The following NLRP10 variants were observed in gnomAD, a reference collection of about 807,000 sequenced individuals.
NLRP10 encodes the protein NACHT, LRR and PYD domains-containing protein 10.
NLRP10 carries 7 observed loss-of-function variants against 8.2 expected under a neutral mutation model. The observed-to-expected ratio is 0.85, with a 90% confidence interval of 0.48 to 1.60. The LOEUF (loss-of-function observed/expected upper bound fraction) is 1.60. Among genes scored for constraint, NLRP10 ranks in the 40% most tolerant of loss-of-function variants. NLRP10 has a pLI of 0.00. For missense variants in NLRP10, 814 were observed against 776.3 expected (o/e 1.05, Z -0.58); for synonymous variants, 338 against 314.0 (o/e 1.08, Z -0.81).
At position 7,960,753 on chromosome 11, in the gene NLRP10, A is replaced by G. The variant is rs1251292502; in HGVS notation, c.859T>C (p.Ser287Pro). Residue 287 changes from serine to proline, a missense_variant, in exon 3 of 3, where the codon TCC becomes CCC. Physicochemically the swap from Ser to Pro is moderately conservative, Grantham distance 74. Coordinates refer to ENST00000691676, the MANE Select transcript of NLRP10 (RefSeq NM_001391958.1). ...LIRRHTLPTC[S>P]LLITTRPLAL... ...AGGGGCCGGGTGGTGATGAGAAGGGAGCACGTGGGGAGTGTATGTCTCCTA... is the reference window on the plus strand; with the variant it reads ...AGGGGCCGGGTGGTGATGAGAAGGGGGCACGTGGGGAGTGTATGTCTCCTA... The G allele has an allele frequency of 6.2e-7, 1 of 1,614,080 alleles. No individual in the cohort carries two copies. The highest frequency in any genetic ancestry group is 1.1e-5 in the South Asian group (1 of 91,066).
intron 1 of NLRP10, among the ~76,000 whole-genome samples, chr11:7,964,224 G>A (rs972180339): frequency 2.6e-5 from 4 of 152,130 alleles, no homozygotes; most frequent in African/African-American, 9.7e-5. Context: ...GCCCGGCCAA[G>A]TTTTAAGTTT....
Position 7,960,548 on chromosome 11 carries a change from C to A in NLRP10, c.1064G>T (p.Gly355Val). Residue 355 changes from glycine to valine, a missense_variant, in exon 3 of 3, where the codon GGC (glycine) becomes GTC (valine). By Grantham distance (109) the Gly-to-Val change is moderately radical. Transcript: ENST00000691676. ...CCAGGAGCAGACCACCCAGCAAATG[C>A]CTGGAACCTGACACGCTTTGTAGAG... ...DILYKACQVP[G>V]ICWVVCSWLQ... The A allele has an allele frequency of 6.2e-7, 1 of 1,614,204 alleles. No homozygotes were observed. Among genetic ancestry groups the A allele is most frequent in the Non-Finnish European group, 8.5e-7 (1 of 1,180,044 alleles).
Position 7,958,481 on chromosome 11 carries a change from G to A in NLRP10, c.*1163C>T, listed in dbSNP as rs892859856. On this transcript the variant is annotated 3_prime_UTR_variant, in exon 3 of 3. Transcript: ENST00000691676. ...CAATTCCCTAATGACATATGAAGTT[G>A]AGCGTCTTTTCAAATATTTATTTGC... 6.6e-6 allele frequency among the ~76,000 whole-genome samples: 1 copy of A among 152,086 alleles called. No homozygotes were observed. Among genetic ancestry groups the A allele is most frequent in the African/African-American group, 2.4e-5 (1 of 41,402 alleles).
rs765282017 is a variant in NLRP10, at chr11:7,963,221, T to C, written c.275A>G (p.His92Arg). The C allele has an allele frequency of 2.0e-5, 32 of 1,613,984 alleles. No individual in the cohort carries two copies. The East Asian group carries it at 6.7e-4, about 34-fold the overall frequency. Reference protein sequence around the residue: ...NLLELVDQLSHICLHDYREVY... With the variant: ...NLLELVDQLSRICLHDYREVY... The stretch of plus-strand genomic sequence containing the variant: ...TCCACACTCACCATGCAGACAAATA[T>C]GGCTGAGCTGGTCCACAAGTTCCAA... The change falls in exon 2 of 3, where the codon CAT (histidine) becomes CGT (arginine). Residue 92 changes from histidine (H) to arginine (R), a missense_variant. Transcript: ENST00000691676.
rs1161607378 is a variant in NLRP10, at chr11:7,959,759, C to T, written c.1853G>A (p.Cys618Tyr). 5 of 1,612,376 alleles carry T rather than the reference C, an allele frequency of 3.1e-6. No individual in the cohort carries two copies. Among genetic ancestry groups the T allele is most frequent in the Non-Finnish European group, 4.2e-6 (5 of 1,178,574 alleles). The change falls in exon 3 of 3, where the codon TGT becomes TAT. Residue 618 changes from cysteine to tyrosine, a missense_variant. Cys to Tyr is a radical substitution (Grantham distance 194). Transcript: ENST00000691676. The stretch of plus-strand genomic sequence containing the variant: ...CTCCTTCTGTCCATGGACAGAAGGA[C>T]ATTTTTGCTCCTCCTTAGGTCCATG... ...LSHGPKEEQK[C>Y]PSVHGQKEGK...
intron 1 of NLRP10, 139 bp from the exon 2 acceptor site, chr11:7,963,679 C>T (rs191997904): frequency 4.1e-5 from 24 of 591,322 alleles, no homozygotes; most frequent in East Asian, 1.4e-4. Flanking sequence ...GCAGATGAAA[C>T]GCAGGGGAAT....
chr11:7,963,842 T>C (rs1295408365), intron 1 of NLRP10, among the ~76,000 whole-genome samples: 1 of 149,818 alleles, frequency 6.7e-6, no homozygotes, highest in East Asian at 2.0e-4. Flanking sequence ...ACTCCCTTCC[T>C]CTTTCCCTCT....
rs1162048820 is a variant in NLRP10, at chr11:7,960,192, GA to G, written c.1419del (p.His474MetfsTer7). 1 of 1,614,122 alleles carries G rather than the reference GA, an allele frequency of 6.2e-7. No individual in the cohort carries two copies. Among genetic ancestry groups the G allele is most frequent in the Non-Finnish European group, 8.5e-7 (1 of 1,180,026 alleles). ...SFRHISFQDF[F>X]HAMSYLVKED... ...TCTTTCACCAGGTAAGACATGGCATGAAAAAAGTCCTGGAAGCTGATGTGGC... is the reference window on the plus strand; with the variant it reads ...TCTTTCACCAGGTAAGACATGGCATGAAAAAGTCCTGGAAGCTGATGTGGC... On this transcript the variant is annotated frameshift_variant, in exon 3 of 3. Transcript: ENST00000691676. LOFTEE classifies it low-confidence loss of function (END_TRUNC).
At chr11:7,961,995 C>T (rs1365081364) in intron 2 of NLRP10, among the ~76,000 whole-genome samples, 1 of 151,874 alleles carries the variant, frequency 6.6e-6, no homozygotes, top group Non-Finnish European at 1.5e-5. Flanking sequence ...GTTTAAAGAG[C>T]CTGGCACCTC....
intron 2 of NLRP10, among the ~76,000 whole-genome samples, chr11:7,961,617 T>G (rs1007366551): frequency 6.6e-6 from 1 of 152,166 alleles, no homozygotes; most frequent in African/African-American, 2.4e-5. Context: ...CATGTACTGT[T>G]GTGGAGGGAA....
At position 7,963,348 on chromosome 11, in the gene NLRP10, C is replaced by G; in HGVS notation, c.148G>C (p.Glu50Gln). The G allele has an allele frequency of 6.2e-7, 1 of 1,614,246 alleles. No homozygotes were observed. The highest frequency in any genetic ancestry group is 8.5e-7 in the Non-Finnish European group (1 of 1,180,042). The change falls in exon 2 of 3, where the codon GAG becomes CAG. Residue 50 changes from glutamate (E) to glutamine (Q), a missense_variant. Physicochemically the swap from Glu to Gln is conservative, Grantham distance 29. Transcript: ENST00000691676. Reference protein sequence around the residue: ...GQPPLARGELEGLIPVDLAEL... With the variant: ...GQPPLARGELQGLIPVDLAEL... ...GCCAGGTCCACCGGAATCAGGCCCT[C>G]CAACTCCCCTCTGGCCAGTGGGGGC... is the stretch of plus-strand genomic sequence containing the variant.
chr11:7,963,486 C>T lies in NLRP10; in HGVS notation c.10G>A (p.Ala4Thr), dbSNP rs760937079. The change falls in exon 2 of 3, where the codon GCC becomes ACC. Residue 4 changes from alanine to threonine, a missense_variant. By Grantham distance (58) the Ala-to-Thr change is moderately conservative. Transcript: ENST00000691676. The part of the protein sequence containing the change: MAM[A>T]KARKPREALL... ...GCCTCCCGGGGCTTTCTGGCCTTGG[C>T]CATGGCCATGGTGATCTGGGGGAAG... is the stretch of plus-strand genomic sequence containing the variant. 6.2e-7 allele frequency: 1 copy of T among 1,610,282 alleles called. No homozygotes were observed. The highest frequency in any genetic ancestry group is 8.5e-7 in the Non-Finnish European group (1 of 1,177,854).
At chr11:7,964,979 A>G (rs914297857) in intron 1 of NLRP10, among the ~76,000 whole-genome samples, 10 of 152,240 alleles carry the variant, frequency 6.6e-5, no homozygotes, top group Admixed American at 4.6e-4. Flanking sequence ...GTTGCCATTC[A>G]AATACCAACA....
rs1263339584 is a variant in NLRP10, at chr11:7,958,938, T to G, written c.*706A>C. Among the ~76,000 whole-genome samples the G allele has an allele frequency of 6.6e-6, 1 of 152,224 alleles. No homozygotes were observed. Among genetic ancestry groups the G allele is most frequent in the Non-Finnish European group, 1.5e-5 (1 of 68,046 alleles). Reference sequence around the variant, plus strand: ...CCCAGTCTTTGGCTTATCTTTTCATTCTCTTAACAGTGTCTTTCACAGAGC... The same window carrying G: ...CCCAGTCTTTGGCTTATCTTTTCATGCTCTTAACAGTGTCTTTCACAGAGC... On this transcript the variant is annotated 3_prime_UTR_variant, in exon 3 of 3. Coordinates refer to ENST00000691676, the MANE Select transcript of NLRP10 (RefSeq NM_001391958.1).
chr11:7,962,249 T>TTTTTTTTTC (rs1164685893), intron 2 of NLRP10, among the ~76,000 whole-genome samples: 3 of 132,534 alleles, frequency 2.3e-5, no homozygotes, highest in African/African-American at 8.5e-5. Flanking sequence ...TTTTTTTTTT[T>TTTTTTTTTC]TTTTGAGATG....
In NLRP10 at chr11:7,959,684, C is replaced by T; in HGVS notation, c.1928G>A (p.Gly643Asp). The change falls in exon 3 of 3, where the codon GGC becomes GAC. Residue 643 changes from glycine to aspartate, a missense_variant. Physicochemically the swap from Gly to Asp is moderately conservative, Grantham distance 94. Coordinates refer to ENST00000691676, the MANE Select transcript of NLRP10 (RefSeq NM_001391958.1). ...TTTTGGTGTTTCCTCTGTCCCTCTGCCTTTTCCAGTAGAAGCTTCCTTTTG... is the reference window on the plus strand; with the variant it reads ...TTTTGGTGTTTCCTCTGTCCCTCTGTCTTTTCCAGTAGAAGCTTCCTTTTG... Reference protein sequence around the residue: ...GTQKEASTGKGRGTEETPKNT... With the variant: ...GTQKEASTGKDRGTEETPKNT... 6.3e-7 allele frequency: 1 copy of T among 1,593,318 alleles called. No individual in the cohort carries two copies. The highest frequency in any genetic ancestry group is 8.5e-7 in the Non-Finnish European group (1 of 1,174,548).
rs894692142 is a variant in NLRP10, at chr11:7,958,020, C to T, written c.*1624G>A. ...TTTCACTTAGTAGTTGCATTTAAGGCTTCTCCATATCTTTTCATGTCTTAA... is the reference window on the plus strand; with the variant it reads ...TTTCACTTAGTAGTTGCATTTAAGGTTTCTCCATATCTTTTCATGTCTTAA... On this transcript the variant is annotated 3_prime_UTR_variant, in exon 3 of 3. Transcript: ENST00000691676. Among the ~76,000 whole-genome samples, 1 of 152,148 alleles carries T rather than the reference C, an allele frequency of 6.6e-6. No individual in the cohort carries two copies. Among genetic ancestry groups the T allele is most frequent in the African/African-American group, 2.4e-5 (1 of 41,448 alleles).
At position 7,960,760 on chromosome 11, in the gene NLRP10, G is replaced by T. The variant is rs980502503; in HGVS notation, c.852C>A (p.Pro284=). Residue 284 remains proline, a synonymous_variant, in exon 3 of 3, where the codon CCC becomes CCA. Coordinates refer to ENST00000691676, the MANE Select transcript of NLRP10 (RefSeq NM_001391958.1). ...GGGTGGTGATGAGAAGGGAGCACGT[G>T]GGGAGTGTATGTCTCCTAATTAGAA... ...LHLLIRRHTL[P]TCSLLITTRP... is the part of the protein sequence containing the mutation. 2 of 1,614,004 alleles carry T rather than the reference G, an allele frequency of 1.2e-6. No homozygotes were observed. The highest frequency in any genetic ancestry group is 2.7e-5 in the African/African-American group (2 of 74,898).
rs2133637572 is a variant in NLRP10, at chr11:7,958,056, A to AT, written c.*1587dup. Among the ~76,000 whole-genome samples, 1 of 152,196 alleles carries AT rather than the reference A, an allele frequency of 6.6e-6. No homozygotes were observed. The highest frequency in any genetic ancestry group is 2.4e-5 in the African/African-American group (1 of 41,530). On this transcript the variant is annotated 3_prime_UTR_variant, in exon 3 of 3. Coordinates refer to ENST00000691676, the MANE Select transcript of NLRP10 (RefSeq NM_001391958.1). ...CTTTTCATGTCTTAATTGCTCATTT[A>AT]TTTTTATCACTGAATACTATTACAT...
Sources: allele counts gnomAD v4.1 joint callset (sites outside exome capture counted in the v4.1 genomes callset), GRCh38; gene constraint gnomAD v4.1.1; transcripts MANE v1.5; gene names NCBI Gene and HGNC (gene_info 2026-07-23, HGNC 2026-07-21).